CADPS: variants seen among roughly 807,000 people sequenced by gnomAD.
CADPS encodes calcium-dependent secretion activator 1.
Under a neutral mutation model 167.3 loss-of-function variants are expected in CADPS, and 57 were observed. That is an observed-to-expected ratio of 0.34 (90% confidence interval 0.28 to 0.42). The LOEUF (loss-of-function observed/expected upper bound fraction) is 0.42, where lower values mean the gene tolerates loss of function less well. CADPS is among the 20% of genes least tolerant of loss of function. The pLI, the probability that CADPS is intolerant of heterozygous loss-of-function variation, is 1.00. For missense variants in CADPS, 1,414 were observed against 1,738.1 expected (o/e 0.81, Z 3.32); for synonymous variants, 676 against 635.3 (o/e 1.06, Z -0.96).
chr3:62,653,650 G>T (rs886343326), intron 4 of CADPS, among the ~76,000 whole-genome samples: 21 of 152,036 alleles, frequency 1.4e-4, no homozygotes, highest in African/African-American at 4.1e-4. Flanking sequence ...CACATAATAA[G>T]TATTCAATAC....
intron 28 of CADPS, among the ~76,000 whole-genome samples, chr3:62,422,059 A>G (rs995557970): frequency 1.3e-5 from 2 of 152,186 alleles, no homozygotes; most frequent in African/African-American, 4.8e-5. Flanking sequence ...GAGTTCTTTA[A>G]GTTGAATGCC....
intron 1 of CADPS, among the ~76,000 whole-genome samples, chr3:62,821,071 T>A (rs997762328): frequency 6.6e-6 from 1 of 152,188 alleles, no homozygotes; most frequent in Non-Finnish European, 1.5e-5. Context: ...AGTGCTGGGA[T>A]TACAGGCGTA....
Position 62,474,151 on chromosome 3 carries a change from G to GTTTTTTTTTTTT in CADPS, c.3477+21_3477+22insAAAAAAAAAAAA, listed in dbSNP as rs770935132. On this transcript the variant is annotated intron_variant, in intron 24 of 29. Transcript: ENST00000383710. ...TCAATGAAGAGGGAAAAAAAAATCT[G>GTTTTTTTTTTTT]TATTTTTTTTTTTTTTTTTACCTCT... 25 of 497,480 alleles carry GTTTTTTTTTTTT rather than the reference G, an allele frequency of 5.0e-5. No individual in the cohort carries two copies. The African/African-American group carries it at 6.0e-4, about 12-fold the overall frequency. 30.8% of individuals were successfully genotyped at this position (497,480 alleles called of 1,614,324 possible).
intron 3 of CADPS, among the ~76,000 whole-genome samples, chr3:62,668,295 G>A (rs182532502): frequency 6.6e-6 from 1 of 152,332 alleles, no homozygotes; most frequent in East Asian, 1.9e-4. Flanking sequence ...GATCCAGACT[G>A]GCTGGAAGGA....
chr3:62,850,811 TC>T (rs2078405455), intron 1 of CADPS, among the ~76,000 whole-genome samples: 1 of 151,184 alleles, frequency 6.6e-6, no homozygotes, highest in African/African-American at 2.4e-5. Flanking sequence ...AGAGCTGAGT[TC>T]AATTCCTGGG....
At chr3:62,667,267 G>A (rs1198434098) in intron 3 of CADPS, among the ~76,000 whole-genome samples, 1 of 152,054 alleles carries the variant, frequency 6.6e-6, no homozygotes, top group East Asian at 1.9e-4. Flanking sequence ...ATTTTAGAAT[G>A]GGGAGTCACC....
chr3:62,756,758 A>G (rs537561441), intron 2 of CADPS, among the ~76,000 whole-genome samples: 1 of 152,306 alleles, frequency 6.6e-6, no homozygotes, highest in Admixed American at 6.5e-5. Flanking sequence ...AATTTATTTT[A>G]GAGAGAAGGA....
intron 6 of CADPS, among the ~76,000 whole-genome samples, chr3:62,624,558 A>C (rs2063709788): frequency 6.6e-6 from 1 of 151,466 alleles, no homozygotes; most frequent in South Asian, 2.1e-4. Context: ...GAAAAAAAAA[A>C]ATCTCTGGTT....
At chr3:62,630,762 A>C (rs556871686) in intron 6 of CADPS, among the ~76,000 whole-genome samples, 1 of 152,298 alleles carries the variant, frequency 6.6e-6, no homozygotes, top group Admixed American at 6.5e-5. Context: ...TGGGCATAAA[A>C]AAATCAGTGC....
rs150571245 is a variant in CADPS, at chr3:62,546,400, C to T, written c.1966+3503G>A. Among the ~76,000 whole-genome samples the T allele has an allele frequency of 3.0e-3, 459 of 152,246 alleles. 4 individuals are homozygous for T. The highest frequency in any genetic ancestry group is 0.01 in the African/African-American group (434 of 41,540). On this transcript the variant is annotated intron_variant, in intron 11 of 29. Transcript: ENST00000383710. ...TAAAAGGAGAGACGTCCTGGGCAAA[C>T]TAAGATGACTTGGTCACGGTAAGTA... is the stretch of plus-strand genomic sequence containing the variant.
chr3:62,684,204 C>T (rs2077593536), intron 3 of CADPS, among the ~76,000 whole-genome samples: 1 of 151,996 alleles, frequency 6.6e-6, no homozygotes, highest in South Asian at 2.1e-4. Flanking sequence ...TTATTTATTA[C>T]AGTATGGACT....
intron 28 of CADPS, among the ~76,000 whole-genome samples, chr3:62,431,018 C>T (rs9845936): frequency 6.6e-5 from 10 of 152,112 alleles, no homozygotes; most frequent in African/African-American, 2.2e-4. Context: ...GTCCTAGTAG[C>T]CTGGCTGACA....
chr3:62,661,698 G>A (rs1351688618), intron 4 of CADPS, among the ~76,000 whole-genome samples: 1 of 152,086 alleles, frequency 6.6e-6, no homozygotes, highest in Non-Finnish European at 1.5e-5. Context: ...ATAGAAAATG[G>A]GGGAACTGCA....
chr3:62,598,948 C>A (rs1036078082), intron 6 of CADPS, among the ~76,000 whole-genome samples: 2 of 152,118 alleles, frequency 1.3e-5, no homozygotes, highest in African/African-American at 4.8e-5. Context: ...AGCACTATAT[C>A]CCAGACAGAC....
intron 3 of CADPS, among the ~76,000 whole-genome samples, chr3:62,738,097 C>A (rs1463738578): frequency 6.6e-6 from 1 of 152,068 alleles, no homozygotes; most frequent in African/African-American, 2.4e-5. Flanking sequence ...AATAAGTGCA[C>A]AATTGAATGT....
chr3:62,712,413 T>C (rs1178229926), intron 3 of CADPS, among the ~76,000 whole-genome samples: 1 of 152,228 alleles, frequency 6.6e-6, no homozygotes, highest in Non-Finnish European at 1.5e-5. Flanking sequence ...AATCTGATAC[T>C]GCTGTCAAAT....
At position 62,557,386 on chromosome 3, in the gene CADPS, C is replaced by T. The variant is rs1281801774; in HGVS notation, c.1753+19G>A. 1.3e-6 allele frequency: 2 copies of T among 1,578,000 alleles called. No individual in the cohort carries two copies. Among genetic ancestry groups the T allele is most frequent in the Non-Finnish European group, 1.7e-6 (2 of 1,147,198 alleles). The stretch of plus-strand genomic sequence containing the variant: ...GGTTGAGGGTTTGTGGGCTCGTGGC[C>T]TTGAGGGTCGGTGGGTACCTGGCTG... On this transcript the variant is annotated intron_variant, in intron 10 of 29. Transcript: ENST00000383710.
chr3:62,510,645 T>C (rs2067604095), intron 17 of CADPS, among the ~76,000 whole-genome samples: 1 of 152,110 alleles, frequency 6.6e-6, no homozygotes. Flanking sequence ...TGCATAGCCC[T>C]GTAGATTCTT....
At chr3:62,761,457 T>C (rs925227288) in intron 2 of CADPS, among the ~76,000 whole-genome samples, 8 of 151,998 alleles carry the variant, frequency 5.3e-5, no homozygotes, top group African/African-American at 1.9e-4. Flanking sequence ...TATAGGAGCT[T>C]CACTGGCTGA....
Sources: gnomAD v4.1 joint callset for allele counts (sites outside exome capture counted in the v4.1 genomes callset) on GRCh38, gnomAD v4.1.1 for gene constraint, MANE v1.5 for transcripts, NCBI Gene and HGNC (gene_info 2026-07-23, HGNC 2026-07-21) for gene names.